SPHK2: variants seen among roughly 807,000 people sequenced by gnomAD.
SPHK2 encodes the protein sphingosine kinase 2.
SPHK2 carries 18 observed loss-of-function variants against 32.3 expected under a neutral mutation model. The observed-to-expected ratio is 0.56, with a 90% confidence interval of 0.39 to 0.83. The LOEUF (loss-of-function observed/expected upper bound fraction) is 0.83. SPHK2 is among the 40% of genes least tolerant of loss of function. The probability of loss-of-function intolerance (pLI) is 0.00; values close to 1 mark genes in which losing one functional copy is unlikely to be tolerated. For synonymous variants in SPHK2, 462 were observed against 417.6 expected, an observed-to-expected ratio of 1.11 and a Z score of -1.30; for missense variants, 850 against 908.7, an observed-to-expected ratio of 0.94 and a Z score of 0.83.
rs1209679359 is a variant in SPHK2, at chr19:48,620,570, A to C, written c.39+17A>C. On this transcript the variant is annotated intron_variant, in intron 2 of 6. Transcript: ENST00000245222. ...CAGGACCAGGTAAGGGACCATCTAA[A>C]AGCCAAGATCCTCATACTGTGGAAA... 6.2e-7 allele frequency: 1 copy of C among 1,607,098 alleles called. No individual in the cohort carries two copies. The highest frequency in any genetic ancestry group is 1.7e-5 in the Admixed American group (1 of 59,442).
intron 2 of SPHK2, chr19:48,623,257 AAGAG>A (rs949788363): frequency 1.7e-4 from 26 of 150,350 alleles, no homozygotes; most frequent in African/African-American, 5.4e-4. Flanking sequence ...AAAAAAAAAA[AAGAG>A]AGAGAGACGG....
intron 2 of SPHK2, chr19:48,625,519 C>T (rs1974573248): frequency 8.0e-7 from 1 of 1,244,502 alleles, no homozygotes; most frequent in African/African-American, 1.5e-5. Flanking sequence ...TTATCATCAC[C>T]CAACCACCTG....
chr19:48,625,919 GGGGCCAC>G lies in SPHK2; in HGVS notation c.74_80del (p.His25LeufsTer181). 2 of 1,611,890 alleles carry G rather than the reference GGGGCCAC, an allele frequency of 1.2e-6. No individual in the cohort carries two copies. Among genetic ancestry groups the G allele is most frequent in the Non-Finnish European group, 1.7e-6 (2 of 1,179,430 alleles). On this transcript the variant is annotated frameshift_variant, in exon 3 of 7. Transcript: ENST00000245222. LOFTEE classifies it high-confidence loss of function. ...CCAGACCAGGAGCTGACCGGGAGCT[GGGGCCAC>G]GGGCCTAGGAGCACCCTGGTCAGGG...
rs202116955 is a variant in SPHK2 at position 48,629,282 on chromosome 19, G to C, written c.1474G>C (p.Val492Leu). 1 of 1,613,588 alleles carries C rather than the reference G, an allele frequency of 6.2e-7. No individual in the cohort carries two copies. The highest frequency in any genetic ancestry group is 1.1e-5 in the South Asian group (1 of 91,090). Residue 492 changes from valine to leucine, a missense_variant, in exon 7 of 7, where the codon GTA becomes CTA. Coordinates refer to ENST00000245222, the MANE Select transcript of SPHK2 (RefSeq NM_020126.5). ...CTCACCCGTCTCCGAAGGGGCCCCC[G>C]TAATTCCCCCATCCTCTGGGCTCCC... ...LHSPVSEGAP[V>L]IPPSSGLPLP...
rs774110436 is a variant in SPHK2 at position 48,629,732 on chromosome 19, C to T, written c.1924C>T (p.Leu642=). 1.9e-6 allele frequency: 3 copies of T among 1,599,660 alleles called. No individual in the cohort carries two copies. The highest frequency in any genetic ancestry group is 2.6e-6 in the Non-Finnish European group (3 of 1,171,590). The change falls in exon 7 of 7, where the codon CTG becomes TTG. Residue 642 remains leucine, a synonymous_variant. Coordinates refer to ENST00000245222, the MANE Select transcript of SPHK2 (RefSeq NM_020126.5). ...ACAGATGCACCCTGGCATCGGTACA[C>T]TGCTCACTGGGCCTCCTGGCTGCCC... ...QAQMHPGIGT[L]LTGPPGCPGR...
At chr19:48,622,573 G>A (rs1974448307) in intron 2 of SPHK2, among the ~76,000 whole-genome samples, 1 of 151,926 alleles carries the variant, frequency 6.6e-6, no homozygotes, top group African/African-American at 2.4e-5. Flanking sequence ...CAGTGTCTCT[G>A]CCTTTCCTTC....
chr19:48,622,296 C>A (rs909103523), intron 2 of SPHK2, among the ~76,000 whole-genome samples: 27 of 151,790 alleles, frequency 1.8e-4, no homozygotes, highest in African/African-American at 6.3e-4. Context: ...AGGACTCAAT[C>A]TCTTTCTCTT....
Position 48,627,721 on chromosome 19 carries a change from C to A in SPHK2, c.541C>A (p.Pro181Thr). ...CACCCCTGACCTGCTACCTCGGCCG[C>A]CCCGGTTGCTTCTATTGGTCAATCC... is the stretch of plus-strand genomic sequence containing the variant. ...EITPDLLPRP[P>T]RLLLLVNPFG... is the part of the protein sequence containing the mutation. Residue 181 changes from proline (P) to threonine (T), a missense_variant, in exon 4 of 7, where the codon CCC becomes ACC. Pro to Thr is a conservative substitution (Grantham distance 38). Around this residue, in one of 2 missense-constraint regions of SPHK2, gnomAD observed 544 missense variants for 640.0 expected, o/e 0.85. Transcript: ENST00000245222. 1 of 1,609,878 alleles carries A rather than the reference C, an allele frequency of 6.2e-7. No homozygotes were observed. The highest frequency in any genetic ancestry group is 8.5e-7 in the Non-Finnish European group (1 of 1,177,704).
rs1024798409 is a variant in SPHK2, at chr19:48,628,427, C to A, written c.872+150C>A. 1.1e-6 allele frequency: 1 copy of A among 940,336 alleles called. No individual in the cohort carries two copies. Among genetic ancestry groups the A allele is most frequent in the Non-Finnish European group, 1.7e-6 (1 of 578,956 alleles). The allele number at this position is 940,336 out of a possible 1,614,324, so 58.2% of individuals were successfully genotyped here. On this transcript the variant is annotated intron_variant, in intron 6 of 6. Transcript: ENST00000245222. The surrounding 1 kb of genome is among the most constrained non-coding windows in gnomAD (Gnocchi z 5.2). Reference sequence around the variant, plus strand: ...CCCAGCTCCTGGACATTTTTGCCTGCCTGCTTCCCAGCTGTATCCCGAGCG... The same window carrying A: ...CCCAGCTCCTGGACATTTTTGCCTGACTGCTTCCCAGCTGTATCCCGAGCG...
intron 2 of SPHK2, chr19:48,624,872 T>TG (rs1339162155): frequency 6.0e-6 from 5 of 828,262 alleles, no homozygotes; most frequent in East Asian, 2.4e-4. Context: ...CCACAGGCGG[T>TG]GGGGGGTGGG....
Position 48,625,830 on chromosome 19 carries a change from C to T in SPHK2, c.40-61C>T, listed in dbSNP as rs778019748. On this transcript the variant is annotated intron_variant, in intron 2 of 6. Transcript: ENST00000245222. The stretch of plus-strand genomic sequence containing the variant: ...GTCTCCTCCTGTCCACAGCCCCTGC[C>T]CCTCCCTGCCCCTGCCATGGGGTCC... 23 of 1,571,530 alleles carry T rather than the reference C, an allele frequency of 1.5e-5. No homozygotes were observed. In the African/African-American group the frequency reaches 1.9e-4, roughly 13 times the overall value.
intron 2 of SPHK2, 47 bp downstream of exon 2, chr19:48,620,600 A>T (rs1392063913): frequency 4.7e-6 from 7 of 1,494,172 alleles, no homozygotes; most frequent in Non-Finnish European, 6.4e-6. Context: ...TGGAAAGACA[A>T]AATCTGAAGC....
chr19:48,630,146 G>T lies in SPHK2; in HGVS notation c.*373G>T. The T allele has an allele frequency of 8.0e-7, 1 of 1,250,694 alleles. No homozygotes were observed. The highest frequency in any genetic ancestry group is 1.0e-6 in the Non-Finnish European group (1 of 995,390). 77.5% of individuals were successfully genotyped at this position (1,250,694 alleles called of 1,614,324 possible). A position where few individuals can be genotyped will look rare whatever the true frequency, so the allele number is the denominator to read the frequency against. ...GACAGGACCTGGAATGTACTGGCTG[G>T]GGTAGGCCTCAGTGAGTCGGCCGGT... On this transcript the variant is annotated 3_prime_UTR_variant, in exon 7 of 7. Coordinates refer to ENST00000245222, the MANE Select transcript of SPHK2 (RefSeq NM_020126.5). The surrounding 1 kb of genome is among the most constrained non-coding windows in gnomAD (Gnocchi z 4.9).
At position 48,630,081 on chromosome 19, in the gene SPHK2, G is replaced by C. The variant is rs113533854; in HGVS notation, c.*308G>C. On this transcript the variant is annotated 3_prime_UTR_variant, in exon 7 of 7. Transcript: ENST00000245222. This position sits in a 1 kb window ranked among gnomAD's most constrained non-coding sequence, Gnocchi z 4.9. ...CTTGCCACCTGCTCCTACCCGGCCA[G>C]GATGGCTGAGGGCGGAGTCTATTTT... 152 of 1,279,798 alleles carry C rather than the reference G, an allele frequency of 1.2e-4. No homozygotes were observed. The African/African-American group carries it at 1.8e-3, about 15-fold the overall frequency. 79.3% of individuals were successfully genotyped at this position (1,279,798 alleles called of 1,614,324 possible).
chr19:48,625,823 CCCCTGCCCCT>C (rs1342391099), intron 2 of SPHK2, 58 bp from the exon 3 acceptor site: 2 of 1,561,018 alleles, frequency 1.3e-6, no homozygotes, highest in Non-Finnish European at 8.6e-7. Flanking sequence ...CTGTCCACAG[CCCCTGCCCCT>C]CCCTGCCCCT....
rs1318578358 is a variant in SPHK2, at chr19:48,626,286, G to A, written c.435G>A (p.Glu145=). The change falls in exon 3 of 7, where the codon GAG becomes GAA. Residue 145 remains glutamate (E), a synonymous_variant. Transcript: ENST00000245222. ...FRADGAATYE[E]NRAEAQRWAT... ...CAGATGGGGCCGCCACCTACGAAGA[G>A]AACCGTGCCGAGGCCCAGCGCTGGG... 1.3e-6 allele frequency: 2 copies of A among 1,594,542 alleles called. No homozygotes were observed. The highest frequency in any genetic ancestry group is 2.2e-5 in the South Asian group (2 of 90,368).
intron 2 of SPHK2, chr19:48,625,531 A>C: frequency 8.0e-7 from 1 of 1,256,006 alleles, no homozygotes; most frequent in Non-Finnish European, 1.0e-6. Flanking sequence ...AACCACCTGT[A>C]TATTTCAATC....
chr19:48,619,572 C>G (rs1015218111), intron 1 of SPHK2, 29 bp downstream of exon 1: 8 of 201,400 alleles, frequency 4.0e-5, no homozygotes, highest in Non-Finnish European at 8.3e-5. Context: ...CAGGGCTAGT[C>G]GGGGCATCTG....
Position 48,626,175 on chromosome 19 carries a change from C to G in SPHK2, c.324C>G (p.Pro108=). 1 of 1,595,536 alleles carries G rather than the reference C, an allele frequency of 6.3e-7. No homozygotes were observed. The highest frequency in any genetic ancestry group is 8.5e-7 in the Non-Finnish European group (1 of 1,171,984). The change falls in exon 3 of 7, where the codon CCC becomes CCG. Residue 108 remains proline (P), a synonymous_variant. Coordinates refer to ENST00000245222, the MANE Select transcript of SPHK2 (RefSeq NM_020126.5). ...SGCCTLRSRS[P]SDSAAYFCIY... ...GCTGCACCCTGCGAAGCCGCAGCCC[C>G]TCAGACTCAGCGGCCTACTTCTGCA...
Sources: allele counts gnomAD v4.1 joint callset (sites outside exome capture counted in the v4.1 genomes callset), GRCh38; gene constraint gnomAD v4.1.1; regional missense constraint gnomAD v4.1.1; non-coding constraint Gnocchi (gnomAD v3.1); transcripts MANE v1.5; gene names NCBI Gene and HGNC (gene_info 2026-07-23, HGNC 2026-07-21).